Variants in SGIP1 observed in about 807,000 individuals in gnomAD.
SGIP1 encodes SH3GL interacting endocytic adaptor 1.
Under a neutral mutation model 107.5 loss-of-function variants are expected in SGIP1, and 38 were observed. The ratio of observed to expected loss-of-function variants is 0.35; its 90% CI spans 0.27 to 0.46. SGIP1 has a LOEUF of 0.46. Among genes scored for constraint, SGIP1 ranks in the 20% least tolerant of loss-of-function variants. SGIP1 has a pLI of 1.00. For synonymous variants in SGIP1, 365 were observed against 366.1 expected (o/e 1.00, Z 0.03); for missense variants, 929 against 1,019.5 (o/e 0.91, Z 1.21).
chr1:66,625,374 G>A (rs2072407563), intron 1 of SGIP1, among the ~76,000 whole-genome samples: 1 of 152,238 alleles, frequency 6.6e-6, no homozygotes, highest in African/African-American at 2.4e-5. Flanking sequence ...GGAGGAAGCA[G>A]TAAAAGATAA....
chr1:66,717,838 G>T (rs1175034407), intron 18 of SGIP1, among the ~76,000 whole-genome samples: 1 of 152,156 alleles, frequency 6.6e-6, no homozygotes, highest in Admixed American at 6.6e-5. Flanking sequence ...CTTAGTAAGT[G>T]TGCAACAAAT....
intron 21 of SGIP1, 65 bp downstream of exon 21, chr1:66,733,945 A>G (rs1304026617): frequency 2.0e-6 from 3 of 1,498,988 alleles, no homozygotes; most frequent in Admixed American, 4.1e-5. Context: ...AGTACCTACT[A>G]TTGAATAAAA....
At chr1:66,740,919 C>T (rs996121509) in intron 23 of SGIP1, among the ~76,000 whole-genome samples, 197 bp downstream of exon 23, 2 of 152,186 alleles carry the variant, frequency 1.3e-5, no homozygotes, top group Non-Finnish European at 2.9e-5. Flanking sequence ...ACAGACTCCA[C>T]ATCAAACAAA....
At chr1:66,636,378 A>G (rs1441541464) in intron 4 of SGIP1, among the ~76,000 whole-genome samples, 7 of 152,234 alleles carry the variant, frequency 4.6e-5, no homozygotes, top group African/African-American at 7.2e-5. Flanking sequence ...TAGGATAAGC[A>G]CTGTCTCAAT....
At chr1:66,584,069 T>C (rs2062197394) in intron 1 of SGIP1, among the ~76,000 whole-genome samples, 1 of 152,118 alleles carries the variant, frequency 6.6e-6, no homozygotes, top group Non-Finnish European at 1.5e-5. Flanking sequence ...GTTGTTGCTT[T>C]TATTTATCTT....
At chr1:66,689,408 C>A (rs1557638365) in intron 16 of SGIP1, 133 bp downstream of exon 16, 2 of 1,152,020 alleles carry the variant, frequency 1.7e-6, no homozygotes, top group Non-Finnish European at 2.4e-6. Flanking sequence ...AAGACAGTCA[C>A]TGCGGTATGA....
chr1:66,625,317 T>C (rs991660239), intron 1 of SGIP1, among the ~76,000 whole-genome samples: 1 of 152,170 alleles, frequency 6.6e-6, no homozygotes, highest in Non-Finnish European at 1.5e-5. Flanking sequence ...GTGCAAATTT[T>C]GGGGTGTGTT....
intron 1 of SGIP1, among the ~76,000 whole-genome samples, chr1:66,605,762 G>T (rs2066703878): frequency 6.6e-6 from 1 of 152,086 alleles, no homozygotes; most frequent in Non-Finnish European, 1.5e-5. Context: ...GAGGGTGAAT[G>T]GAAAGAGGAT....
Position 66,719,365 on chromosome 1 carries a change from G to C in SGIP1, c.1702G>C (p.Glu568Gln). 1 of 1,613,540 alleles carries C rather than the reference G, an allele frequency of 6.2e-7. No individual in the cohort carries two copies. The highest frequency in any genetic ancestry group is 8.5e-7 in the Non-Finnish European group (1 of 1,179,690). The change falls in exon 19 of 25, where the codon GAA becomes CAA. Residue 568 changes from glutamate (E) to glutamine (Q), a missense_variant. Transcript: ENST00000371037. ...TCTCCCTGTTGCAGCAGCATTTACA[G>C]AAACAGTCAATGCCTATTTCAAAGG... ...DTLPVAAAFT[E>Q]TVNAYFKGAD...
chr1:66,607,217 C>G (rs1355720567), intron 1 of SGIP1, among the ~76,000 whole-genome samples: 8 of 152,184 alleles, frequency 5.3e-5, no homozygotes, highest in Non-Finnish European at 1.2e-4. Flanking sequence ...TCCTCACTCT[C>G]TCATATTTCA....
intron 3 of SGIP1, among the ~76,000 whole-genome samples, chr1:66,633,454 G>A (rs2075198872): frequency 6.6e-6 from 1 of 152,188 alleles, no homozygotes; most frequent in Non-Finnish European, 1.5e-5. Context: ...AGGCCACAAA[G>A]TTGTAATGAA....
chr1:66,612,134 C>T (rs570454280), intron 1 of SGIP1, among the ~76,000 whole-genome samples: 70 of 152,226 alleles, frequency 4.6e-4, no homozygotes, highest in African/African-American at 1.6e-3. Context: ...TGAAATGAAG[C>T]CAGTGTGTGC....
At chr1:66,617,262 G>A (rs1346741251) in intron 1 of SGIP1, among the ~76,000 whole-genome samples, 1 of 152,078 alleles carries the variant, frequency 6.6e-6, no homozygotes, top group African/African-American at 2.4e-5. Flanking sequence ...TTGCCTTTAT[G>A]AAGCATCTCT....
chr1:66,648,816 A>G (rs2078157973), intron 7 of SGIP1, among the ~76,000 whole-genome samples: 1 of 152,216 alleles, frequency 6.6e-6, no homozygotes, highest in Admixed American at 6.5e-5. Context: ...ACATAGATTC[A>G]GATTGTCCTG....
At chr1:66,740,610 A>G in intron 22 of SGIP1, 48 bp from the exon 23 acceptor site, 2 of 1,272,648 alleles carry the variant, frequency 1.6e-6, no homozygotes, top group Non-Finnish European at 2.3e-6. Flanking sequence ...CATCCAGTAA[A>G]CAAAAACTCT....
At chr1:66,642,980 C>G in intron 6 of SGIP1, 116 bp downstream of exon 6, 1 of 830,246 alleles carries the variant, frequency 1.2e-6, no homozygotes. Flanking sequence ...CCTGTTATCC[C>G]TAATATTAGA....
At chr1:66,552,239 AC>A (rs2057526021) in intron 1 of SGIP1, among the ~76,000 whole-genome samples, 1 of 151,366 alleles carries the variant, frequency 6.6e-6, no homozygotes, top group Non-Finnish European at 1.5e-5. Context: ...CTTCTCATCA[AC>A]TCCTCTGAGT....
At chr1:66,618,738 G>A (rs1273374659) in intron 1 of SGIP1, among the ~76,000 whole-genome samples, 1 of 152,228 alleles carries the variant, frequency 6.6e-6, no homozygotes, top group Admixed American at 6.5e-5. Context: ...GTAAACAAGA[G>A]CTGCCTTTCC....
intron 18 of SGIP1, among the ~76,000 whole-genome samples, chr1:66,709,028 T>C (rs1337989389): frequency 1.3e-5 from 2 of 152,162 alleles, no homozygotes; most frequent in East Asian, 3.9e-4. Context: ...TTTACTGTTA[T>C]ACTTTAAGTT....
Sources: allele counts gnomAD v4.1 joint callset (sites outside exome capture counted in the v4.1 genomes callset), GRCh38; gene constraint gnomAD v4.1.1; transcripts MANE v1.5; gene names NCBI Gene and HGNC (gene_info 2026-07-23, HGNC 2026-07-21).